The following MECOM variants were observed in gnomAD, a reference collection of about 807,000 sequenced individuals.
MECOM encodes MDS1 and EVI1 complex locus, also known as histone-lysine N-methyltransferase MECOM.
Under a neutral mutation model 116.3 loss-of-function variants are expected in MECOM, and 13 were observed. That is an observed-to-expected ratio of 0.11 (90% CI 0.07 to 0.18). The LOEUF is 0.18. MECOM is among the 10% of genes least tolerant of loss of function. MECOM has a pLI of 1.00. For synonymous variants in MECOM, 528 were observed against 535.2 expected (o/e 0.99, Z 0.19); for missense variants, 1,299 against 1,509.0 (o/e 0.86, Z 2.31).
chr3:169,519,938 T>A (rs1757155508), intron 1 of MECOM, among the ~76,000 whole-genome samples: 1 of 152,254 alleles, frequency 6.6e-6, no homozygotes, highest in Non-Finnish European at 1.5e-5. Flanking sequence ...GGCCTATGCC[T>A]GGCCAATAGA....
intron 2 of MECOM, among the ~76,000 whole-genome samples, chr3:169,163,136 A>T (rs868397858): frequency 2.0e-4 from 30 of 152,214 alleles, no homozygotes; most frequent in African/African-American, 7.0e-4. Flanking sequence ...ACTTAAAAAT[A>T]GGCCCCTGGA....
chr3:169,292,868 C>A (rs1714849596), intron 2 of MECOM, among the ~76,000 whole-genome samples: 1 of 152,106 alleles, frequency 6.6e-6, no homozygotes, highest in African/African-American at 2.4e-5. Context: ...GCATGTGGGG[C>A]ATTCTAATGA....
In MECOM at chr3:169,147,811, A is replaced by G. The variant is rs146688145; in HGVS notation, c.376-3979T>C. On this transcript the variant is annotated intron_variant, in intron 2 of 16. Coordinates refer to ENST00000651503, the MANE Select transcript of MECOM (RefSeq NM_004991.4). ...ATGGGAGGGATGGGGAAGGGTAGAG[A>G]AGTGCTTTCAGGGGTGTGAGGGTGT... is the stretch of plus-strand genomic sequence containing the variant. 6.7e-4 allele frequency: 595 copies of G among 892,114 alleles called. 1 individual carries two copies. In the African/African-American group the frequency reaches 0.011, roughly 17 times the overall value. 55.3% of individuals were successfully genotyped at this position (892,114 alleles called of 1,614,324 possible). A position where few individuals can be genotyped will look rare whatever the true frequency, so the allele number is the denominator to read the frequency against.
chr3:169,346,376 C>T (rs776775522), intron 2 of MECOM, among the ~76,000 whole-genome samples: 12 of 152,056 alleles, frequency 7.9e-5, no homozygotes, highest in African/African-American at 2.7e-4. Context: ...TTCTGCAGGT[C>T]TCTTTTTAAT....
intron 2 of MECOM, among the ~76,000 whole-genome samples, chr3:169,179,192 T>A (rs941088845): frequency 6.6e-6 from 1 of 152,198 alleles, no homozygotes; most frequent in African/African-American, 2.4e-5. Flanking sequence ...CACCCATGCC[T>A]TTCTTTGTAA....
chr3:169,644,572 T>G (rs905287974), intron 1 of MECOM, among the ~76,000 whole-genome samples: 4 of 152,094 alleles, frequency 2.6e-5, no homozygotes, highest in African/African-American at 9.7e-5. Flanking sequence ...CATTTTATAT[T>G]TTATATTCAT....
intron 2 of MECOM, among the ~76,000 whole-genome samples, chr3:169,378,452 G>GAGAGAGAGA (rs1491467574): frequency 1.5e-5 from 1 of 64,554 alleles, no homozygotes; most frequent in African/African-American, 7.0e-5. Flanking sequence ...AAAGAAAGAA[G>GAGAGAGAGA]GAAAGCAAGC....
rs141319378 is a variant in MECOM, at chr3:169,207,444, G to T, written c.376-63612C>A. Among the ~76,000 whole-genome samples, 15 of 152,236 alleles carry T rather than the reference G, an allele frequency of 9.9e-5. No individual in the cohort carries two copies. The East Asian group carries it at 2.9e-3, about 29-fold the overall frequency. ...AGAAGAGCAGCAGTCACTGATATAA[G>T]AAACTATTTTTAATAATATAGATAT... On this transcript the variant is annotated intron_variant, in intron 2 of 16. Transcript: ENST00000651503.
intron 2 of MECOM, among the ~76,000 whole-genome samples, chr3:169,163,089 A>G (rs1321386505): frequency 2.6e-5 from 4 of 152,218 alleles, no homozygotes; most frequent in Non-Finnish European, 5.9e-5. Flanking sequence ...TAATGCCTAA[A>G]TATATACTAT....
chr3:169,388,559 TAAAC>T (rs1220848058), intron 1 of MECOM, among the ~76,000 whole-genome samples: 2 of 152,114 alleles, frequency 1.3e-5, no homozygotes, highest in Non-Finnish European at 2.9e-5. Flanking sequence ...AAAACTGACT[TAAAC>T]AAGCTGTGAA....
At chr3:169,186,188 T>C (rs1269476255) in intron 2 of MECOM, among the ~76,000 whole-genome samples, 3 of 152,042 alleles carry the variant, frequency 2.0e-5, no homozygotes, top group East Asian at 3.9e-4. Context: ...GATGTAGTTA[T>C]AGCTTATTTC....
chr3:169,382,420 A>G (rs1229774641), intron 1 of MECOM, among the ~76,000 whole-genome samples: 1 of 151,932 alleles, frequency 6.6e-6, no homozygotes, highest in African/African-American at 2.4e-5. Context: ...GGACCTGAGG[A>G]CCCCCAAGGC....
chr3:169,577,722 G>A (rs1471863618), intron 1 of MECOM, among the ~76,000 whole-genome samples: 1 of 152,152 alleles, frequency 6.6e-6, no homozygotes, highest in Admixed American at 6.6e-5. Context: ...CTCAGCCACA[G>A]CCAGACTAAT....
intron 2 of MECOM, among the ~76,000 whole-genome samples, chr3:169,198,950 G>GT (rs1748798461): frequency 6.6e-6 from 1 of 151,942 alleles, no homozygotes; most frequent in African/African-American, 2.4e-5. Flanking sequence ...CAGAATAAGA[G>GT]TTTTTTAGAT....
intron 10 of MECOM, among the ~76,000 whole-genome samples, chr3:169,107,011 T>C (rs765956126): frequency 1.2e-4 from 19 of 152,064 alleles, no homozygotes; most frequent in Non-Finnish European, 2.4e-4. Flanking sequence ...AGAGATAAAA[T>C]GAAGGAATTT....
chr3:169,624,057 T>C (rs2109917203), intron 1 of MECOM: 1 of 152,382 alleles, frequency 6.6e-6, no homozygotes, highest in East Asian at 1.9e-4. Context: ...TCCCATTATG[T>C]GCCTGACCTT....
chr3:169,322,186 C>A (rs1389740969), intron 2 of MECOM, among the ~76,000 whole-genome samples: 2 of 152,034 alleles, frequency 1.3e-5, no homozygotes, highest in African/African-American at 4.8e-5. Context: ...TGTGTGTTTC[C>A]TCTTAGGTGG....
intron 1 of MECOM, among the ~76,000 whole-genome samples, chr3:169,472,453 A>G (rs1749433446): frequency 7.2e-6 from 1 of 139,378 alleles, no homozygotes; most frequent in Non-Finnish European, 1.5e-5. Context: ...AGAAAAGGAA[A>G]GGAAGGGAAA....
intron 2 of MECOM, among the ~76,000 whole-genome samples, chr3:169,296,278 G>A (rs978898760): frequency 1.3e-5 from 2 of 152,158 alleles, no homozygotes; most frequent in Non-Finnish European, 2.9e-5. Context: ...AAAATCAGCA[G>A]GACAGACAAG....
Sources: gnomAD v4.1 joint callset for allele counts (sites outside exome capture counted in the v4.1 genomes callset) on GRCh38, gnomAD v4.1.1 for gene constraint, MANE v1.5 for transcripts, NCBI Gene and HGNC (gene_info 2026-07-23, HGNC 2026-07-21) for gene names.